Variants in NGLY1 observed in about 807,000 individuals in gnomAD.
The protein encoded by NGLY1 is N-glycanase 1, also known as peptide-N(4)-(N-acetyl-beta-glucosaminyl)asparagine amidase.
A neutral mutation model predicts 84.6 loss-of-function variants in NGLY1; 68 were observed. That is an observed-to-expected ratio of 0.80 (90% confidence interval 0.66 to 0.98). The LOEUF (loss-of-function observed/expected upper bound fraction) is 0.98, where lower values mean the gene tolerates loss of function less well. NGLY1 is among the 50% of genes least tolerant of loss of function. The probability of loss-of-function intolerance (pLI) is 0.00; values close to 1 mark genes in which losing one functional copy is unlikely to be tolerated. For missense variants in NGLY1, 779 were observed against 770.2 expected, an observed-to-expected ratio of 1.01 and a Z score of -0.14; for synonymous variants, 280 against 275.2, an observed-to-expected ratio of 1.02 and a Z score of -0.17.
chr3:25,776,747 A>T (rs574957616), intron 2 of NGLY1, among the ~76,000 whole-genome samples: 497 of 152,304 alleles, frequency 3.3e-3, no homozygotes, highest in African/African-American at 0.012. Context: ...CCTTTCCCTT[A>T]TATCTTACAT....
intron 10 of NGLY1, 86 bp downstream of exon 10, chr3:25,729,047 A>G (rs2125459306): frequency 1.1e-6 from 1 of 943,700 alleles, no homozygotes; most frequent in Admixed American, 3.1e-5. Context: ...ATCAGTTTTC[A>G]TATTTTACAC....
intron 2 of NGLY1, among the ~76,000 whole-genome samples, chr3:25,774,677 T>C (rs1708071516): frequency 6.6e-6 from 1 of 152,164 alleles, no homozygotes; most frequent in South Asian, 2.1e-4. Flanking sequence ...CCAGGCAGTG[T>C]ACGCAGGGTT....
At position 25,729,140 on chromosome 3, in the gene NGLY1, C is replaced by G. The variant is rs767388144; in HGVS notation, c.1604G>C (p.Trp535Ser). ...TTTTATGCATTAAGTTACCATGTGC[C>G]AGTCTGTTTCAACTTTTCTGAATAT... ...ESIFRKVETD[W>S]HMVYLARKEG... The change falls in exon 10 of 12, where the codon TGG becomes TCG. Residue 535 changes from tryptophan (W) to serine (S), a missense_variant. Trp to Ser is a radical substitution (Grantham distance 177). Transcript: ENST00000280700. 6.7e-7 allele frequency: 1 copy of G among 1,494,710 alleles called. No homozygotes were observed. Among genetic ancestry groups the G allele is most frequent in the South Asian group, 1.4e-5 (1 of 70,866 alleles). 92.6% of individuals were successfully genotyped at this position (1,494,710 alleles called of 1,614,324 possible).
At chr3:25,764,452 G>T in intron 2 of NGLY1, 141 bp from the exon 3 acceptor site, 1 of 952,930 alleles carries the variant, frequency 1.0e-6, no homozygotes, top group East Asian at 2.6e-5. Context: ...TTACCATTAT[G>T]GTTCTTTTTA....
Position 25,755,277 on chromosome 3 carries a change from G to T in NGLY1, c.493-4014C>A, listed in dbSNP as rs967668942. 3.6e-6 allele frequency: 5 copies of T among 1,370,958 alleles called. No homozygotes were observed. The African/African-American group carries it at 7.1e-5, about 20-fold the overall frequency. The allele number at this position is 1,370,958 out of a possible 1,614,324, so 84.9% of individuals were successfully genotyped here. A position where few individuals can be genotyped will look rare whatever the true frequency, so the allele number is the denominator to read the frequency against. On this transcript the variant is annotated intron_variant, in intron 3 of 11. Coordinates refer to ENST00000280700, the MANE Select transcript of NGLY1 (RefSeq NM_018297.4). ...GCAGGACCTAGACTCCCACCTGATA[G>T]ATACTGCTTAACAGCTCCAAACTAT...
chr3:25,754,607 A>T (rs1446614463), intron 3 of NGLY1, among the ~76,000 whole-genome samples: 2 of 152,066 alleles, frequency 1.3e-5, no homozygotes, highest in Non-Finnish European at 2.9e-5. Flanking sequence ...ATGGGGGACT[A>T]CTGCAGAGCT....
intron 6 of NGLY1, 82 bp downstream of exon 6, chr3:25,737,250 CAG>C (rs1705874718): frequency 8.3e-7 from 1 of 1,204,612 alleles, no homozygotes; most frequent in African/African-American, 1.5e-5. Flanking sequence ...CAAAAAGTAA[CAG>C]AGAATCATGG....
intron 10 of NGLY1, among the ~76,000 whole-genome samples, chr3:25,726,338 T>A (rs1705261136): frequency 6.6e-6 from 1 of 152,190 alleles, no homozygotes; most frequent in Non-Finnish European, 1.5e-5. Flanking sequence ...ACAAGGTCTC[T>A]CCCTAAGAAT....
At chr3:25,733,468 T>C (rs796467456) in intron 8 of NGLY1, among the ~76,000 whole-genome samples, 8 of 8,582 alleles carry the variant, frequency 9.3e-4, no homozygotes, top group African/African-American at 1.4e-3. Context: ...CACATGGACG[T>C]GTGTGTGTGT....
intron 2 of NGLY1, chr3:25,777,803 T>A (rs1050807397): frequency 6.6e-6 from 1 of 152,258 alleles, no homozygotes; most frequent in Admixed American, 6.5e-5. Context: ...TATCTACTAC[T>A]TTGTTCACTA....
At chr3:25,727,446 C>A (rs1705318013) in intron 10 of NGLY1, among the ~76,000 whole-genome samples, 1 of 152,092 alleles carries the variant, frequency 6.6e-6, no homozygotes, top group African/African-American at 2.4e-5. Flanking sequence ...TTTTTGTTTC[C>A]TTGCCTGATA....
At chr3:25,743,505 T>C (rs1490706073) in intron 4 of NGLY1, among the ~76,000 whole-genome samples, 3 of 152,158 alleles carry the variant, frequency 2.0e-5, no homozygotes, top group Non-Finnish European at 4.4e-5. Context: ...AAATCTTGTA[T>C]CAAACAGCAT....
rs759423308 is a variant in NGLY1 at position 25,737,310 on chromosome 3, C to T, written c.1003+24G>A. Reference sequence around the variant, plus strand: ...TGCAAGCCTGCAAAGCCCTACTACCCTCTGCTCATTCCACATTCTGTACCT... The same window carrying T: ...TGCAAGCCTGCAAAGCCCTACTACCTTCTGCTCATTCCACATTCTGTACCT... On this transcript the variant is annotated intron_variant, in intron 6 of 11. Transcript: ENST00000280700. The T allele has an allele frequency of 3.1e-6, 5 of 1,589,204 alleles. No individual in the cohort carries two copies. In the African/African-American group the frequency reaches 6.8e-5, roughly 22 times the overall value.
rs942881685 is a variant in NGLY1, at chr3:25,741,867, G to A, written c.659-2068C>T. Among the ~76,000 whole-genome samples the A allele has an allele frequency of 9.2e-5, 14 of 152,046 alleles. No homozygotes were observed. In the East Asian group the frequency reaches 1.7e-3, roughly 19 times the overall value. On this transcript the variant is annotated intron_variant, in intron 4 of 11. Transcript: ENST00000280700. ...AAAAAAAAAATTAGCCGGGCGTGGT[G>A]GCAGGTACCTGTAATCCCAGCTACT... is the stretch of plus-strand genomic sequence containing the variant.
upstream of NGLY1, among the ~76,000 whole-genome samples, chr3:25,788,389 C>G (rs1168460035): frequency 6.6e-6 from 1 of 152,040 alleles, no homozygotes; most frequent in East Asian, 1.9e-4. Flanking sequence ...TAAGCAGAGC[C>G]CATTTGAAGA....
chr3:25,758,318 A>G (rs1019358427), intron 3 of NGLY1, among the ~76,000 whole-genome samples: 2 of 152,192 alleles, frequency 1.3e-5, no homozygotes, highest in Non-Finnish European at 2.9e-5. Flanking sequence ...GCTTATGGCT[A>G]TAACCCTAGC....
intron 1 of NGLY1, among the ~76,000 whole-genome samples, chr3:25,779,235 G>A (rs1708300360): frequency 6.6e-6 from 1 of 152,042 alleles, no homozygotes; most frequent in Admixed American, 6.6e-5. Flanking sequence ...ACCGCACCTG[G>A]CCCAAGACAT....
At chr3:25,724,393 T>C (rs1334831026) in intron 10 of NGLY1, among the ~76,000 whole-genome samples, 1 of 152,122 alleles carries the variant, frequency 6.6e-6, no homozygotes, top group African/African-American at 2.4e-5. Flanking sequence ...GCAATGAGTC[T>C]TGTTTTTGGT....
chr3:25,762,778 C>A (rs1707377941), intron 3 of NGLY1, among the ~76,000 whole-genome samples: 1 of 152,094 alleles, frequency 6.6e-6, no homozygotes, highest in African/African-American at 2.4e-5. Flanking sequence ...CATGGAGAAA[C>A]CCCGTCTCTA....
Sources: gnomAD v4.1 joint callset for allele counts (sites outside exome capture counted in the v4.1 genomes callset) on GRCh38, gnomAD v4.1.1 for gene constraint, MANE v1.5 for transcripts, NCBI Gene and HGNC (gene_info 2026-07-23, HGNC 2026-07-21) for gene names.